The following ASNS variants were observed in gnomAD, a reference collection of about 807,000 sequenced individuals.
ASNS encodes asparagine synthetase [glutamine-hydrolyzing].
Under a neutral mutation model 62.6 loss-of-function variants are expected in ASNS, and 37 were observed. The ratio of observed to expected loss-of-function variants is 0.59; its 90% CI spans 0.45 to 0.78. ASNS has a LOEUF of 0.78. Among genes scored for constraint, ASNS ranks in the 30% least tolerant of loss-of-function variants. The pLI is 0.00. For missense variants in ASNS, 520 were observed against 682.4 expected (o/e 0.76, Z 2.65); for synonymous variants, 207 against 237.9 (o/e 0.87, Z 1.19).
chr7:97,864,112 CCT>C, intron 4 of ASNS, 145 bp downstream of exon 4: 1 of 666,474 alleles, frequency 1.5e-6, no homozygotes, highest in South Asian at 2.2e-5. Context: ...GAGTACAACT[CCT>C]CTGTTTTTTT....
chr7:97,893,615 G>A, the ASNS span, among the ~76,000 whole-genome samples: 1 of 152,220 alleles, frequency 6.6e-6, no homozygotes, highest in Non-Finnish European at 1.5e-5. Context: ...GTCAAAAACT[G>A]TAAAAAGGAC....
chr7:97,923,130 CAT>C, the ASNS span, among the ~76,000 whole-genome samples: 1 of 151,922 alleles, frequency 6.6e-6, no homozygotes, highest in African/African-American at 2.4e-5. Flanking sequence ...AACATTAAAA[CAT>C]AGATTATTTC....
At position 97,852,404 on chromosome 7, in the gene ASNS, T is replaced by C; in HGVS notation, c.1541A>G (p.Glu514Gly). The change falls in exon 13 of 13, where the codon GAA (glutamate) becomes GGA (glycine). Residue 514 changes from glutamate (E) to glycine (G), a missense_variant. Physicochemically the swap from Glu to Gly is moderately conservative, Grantham distance 98. Coordinates refer to ENST00000394308, the MANE Select transcript of ASNS (RefSeq NM_001673.5). ...KFPFNTPKTK[E>G]GYYYRQVFER... ...AAAGACTTGACGGTAGTAATATCCT[T>C]CTTTGGTTTTAGGAGTATTGAAGGG... The C allele has an allele frequency of 6.2e-7, 1 of 1,614,124 alleles. No homozygotes were observed. Among genetic ancestry groups the C allele is most frequent in the South Asian group, 1.1e-5 (1 of 91,082 alleles).
intron 1 of ASNS, among the ~76,000 whole-genome samples, chr7:97,871,132 CTT>C (rs1792239423): frequency 6.6e-6 from 1 of 152,134 alleles, no homozygotes; most frequent in Non-Finnish European, 1.5e-5. Context: ...TTTAAATAAA[CTT>C]AACTCAGTAT....
At chr7:97,925,300 C>G in the ASNS span, among the ~76,000 whole-genome samples, 7 of 152,132 alleles carry the variant, frequency 4.6e-5, no homozygotes, top group African/African-American at 7.2e-5. Flanking sequence ...TTTTCCAAGA[C>G]CGCATTGCTC....
chr7:97,921,928 G>A, the ASNS span, among the ~76,000 whole-genome samples: 2 of 152,126 alleles, frequency 1.3e-5, no homozygotes, highest in South Asian at 2.1e-4. Flanking sequence ...CATACACAAT[G>A]GAATACTATT....
chr7:97,857,022 G>GT (rs1274579445), intron 7 of ASNS, among the ~76,000 whole-genome samples: 3 of 152,268 alleles, frequency 2.0e-5, no homozygotes, highest in African/African-American at 7.2e-5. Flanking sequence ...CCACCAGGAA[G>GT]TAAGTCTCCC....
At position 97,854,625 on chromosome 7, in the gene ASNS, TAG is replaced by T. The variant is rs767999799; in HGVS notation, c.1191_1192del (p.Tyr398PhefsTer3). Reference sequence around the variant, plus strand: ...ATCTGCGCGGAGAACATCAAACAAATAGAGTTCCCTCAGAAGCCTCTCACTCT... The same window carrying T: ...ATCTGCGCGGAGAACATCAAACAAATAGTTCCCTCAGAAGCCTCTCACTCT... On this transcript the variant is annotated frameshift_variant, in exon 10 of 13. Transcript: ENST00000394308. LOFTEE classifies it high-confidence loss of function. 1.9e-6 allele frequency: 3 copies of T among 1,614,148 alleles called. No individual in the cohort carries two copies. Among genetic ancestry groups the T allele is most frequent in the East Asian group, 2.2e-5 (1 of 44,870 alleles).
chr7:97,916,068 T>C, the ASNS span, among the ~76,000 whole-genome samples: 46 of 152,222 alleles, frequency 3.0e-4, no homozygotes, highest in Admixed American at 2.5e-3. Flanking sequence ...ATGCTTGAAG[T>C]CATGATAAGT....
intron 4 of ASNS, among the ~76,000 whole-genome samples, chr7:97,860,240 AATCAG>A (rs1372183204): frequency 4.6e-5 from 7 of 152,222 alleles, no homozygotes; most frequent in Non-Finnish European, 1.0e-4. Context: ...GCAATACTAT[AATCAG>A]ATGAGATTTT....
At position 97,857,739 on chromosome 7, in the gene ASNS, C is replaced by G. The variant is rs371797199; in HGVS notation, c.903+539G>C. ...GCTCAGACCTCCCCCCACAGCCTCC[C>G]AAGTATCTGGGACTATAGGTGTGTG... On this transcript the variant is annotated intron_variant, in intron 7 of 12. Transcript: ENST00000394308. Among the ~76,000 whole-genome samples, 717 of 152,090 alleles carry G rather than the reference C, an allele frequency of 4.7e-3. 9 individuals carry two copies. Among genetic ancestry groups the G allele is most frequent in the African/African-American group, 0.017 (688 of 41,464 alleles).
chr7:97,903,654 A>G, the ASNS span, among the ~76,000 whole-genome samples: 39,922 of 152,162 alleles, frequency 0.26, 5,406 homozygotes, highest in East Asian at 0.41. Context: ...ACTCAAGAAT[A>G]TAGATCTAAA....
the ASNS span, among the ~76,000 whole-genome samples, chr7:97,915,136 G>C: frequency 6.6e-6 from 1 of 152,302 alleles, no homozygotes; most frequent in Middle Eastern, 3.4e-3. Flanking sequence ...GAAAAACTGA[G>C]TATTTTATGC....
the ASNS span, among the ~76,000 whole-genome samples, chr7:97,898,189 C>G: frequency 6.6e-6 from 1 of 151,960 alleles, no homozygotes; most frequent in Non-Finnish European, 1.5e-5. Flanking sequence ...CTGTCTCCCG[C>G]GTTCAAGTGA....
intron 10 of ASNS, among the ~76,000 whole-genome samples, chr7:97,854,269 T>G (rs534537194): frequency 6.6e-6 from 1 of 152,298 alleles, no homozygotes; most frequent in East Asian, 1.9e-4. Context: ...TCCATCTTGG[T>G]TGTTCAGATG....
At chr7:97,877,865 C>T in the ASNS span, among the ~76,000 whole-genome samples, 41 of 152,296 alleles carry the variant, frequency 2.7e-4, no homozygotes, top group African/African-American at 9.6e-4. Context: ...AAAATTCCTT[C>T]CCCTTGGCCA....
At chr7:97,864,779 T>C (rs989375304) in intron 3 of ASNS, among the ~76,000 whole-genome samples, 1 of 152,164 alleles carries the variant, frequency 6.6e-6, no homozygotes, top group African/African-American at 2.4e-5. Context: ...TGGAAATGTA[T>C]ATTATATACA....
At chr7:97,912,112 G>A in the ASNS span, among the ~76,000 whole-genome samples, 8 of 152,272 alleles carry the variant, frequency 5.3e-5, no homozygotes, top group South Asian at 4.1e-4. Flanking sequence ...CAAGTTTAGC[G>A]CAATGCAGCC....
At chr7:97,896,455 G>A in the ASNS span, among the ~76,000 whole-genome samples, 8 of 148,864 alleles carry the variant, frequency 5.4e-5, no homozygotes, top group African/African-American at 1.7e-4. Flanking sequence ...TTAGCCAGGC[G>A]TGGTGGTGGG....
Sources: gnomAD v4.1 joint callset for allele counts (sites outside exome capture counted in the v4.1 genomes callset) on GRCh38, gnomAD v4.1.1 for gene constraint, MANE v1.5 for transcripts, NCBI Gene and HGNC (gene_info 2026-07-23, HGNC 2026-07-21) for gene names.